RALGDS: variants seen among roughly 807,000 people sequenced by gnomAD.
The protein encoded by RALGDS is ral guanine nucleotide exchange factor.
A neutral mutation model predicts 99.8 loss-of-function variants in RALGDS; 44 were observed. The ratio of observed to expected loss-of-function variants is 0.44; its 90% confidence interval spans 0.35 to 0.57. The LOEUF (loss-of-function observed/expected upper bound fraction) is 0.57, where lower values mean the gene tolerates loss of function less well. Ranked by LOEUF, RALGDS falls within the 20% of genes least tolerant of loss-of-function variation. The pLI is 0.01. For missense variants in RALGDS, 1,022 were observed against 1,203.1 expected, an observed-to-expected ratio of 0.85 and a Z score of 2.23; for synonymous variants, 529 against 505.0, an observed-to-expected ratio of 1.05 and a Z score of -0.64.
upstream of RALGDS, among the ~76,000 whole-genome samples, chr9:133,125,406 G>A (rs1195051490): frequency 2.6e-5 from 4 of 152,108 alleles, no homozygotes; most frequent in African/African-American, 4.8e-5. Context: ...CTCTATTTTT[G>A]TGTCTATTTG....
chr9:133,106,869 G>T, intron 7 of RALGDS, 121 bp from the exon 8 acceptor site: 1 of 929,672 alleles, frequency 1.1e-6, no homozygotes, highest in Non-Finnish European at 1.7e-6. Flanking sequence ...TCCCCAGAGG[G>T]CACGCCTGCG....
chr9:133,148,421 T>C (rs923350495), intron 1 of RALGDS, among the ~76,000 whole-genome samples: 1 of 146,890 alleles, frequency 6.8e-6, no homozygotes, highest in African/African-American at 2.5e-5. Context: ...CCCCGTGCCA[T>C]GGCCCCAGGC....
At chr9:133,139,778 C>T (rs960492703) in intron 1 of RALGDS, among the ~76,000 whole-genome samples, 3 of 152,344 alleles carry the variant, frequency 2.0e-5, no homozygotes, top group East Asian at 1.9e-4. Flanking sequence ...TTCTGCGAAG[C>T]GGAGCAGACA....
intron 1 of RALGDS, among the ~76,000 whole-genome samples, chr9:133,116,464 T>G (rs1383916232): frequency 6.6e-6 from 1 of 152,048 alleles, no homozygotes; most frequent in Non-Finnish European, 1.5e-5. Flanking sequence ...GATGGGAAAA[T>G]CGTGCCTCAA....
rs1564245721 is a variant in RALGDS at position 133,121,180 on chromosome 9, G to GCCGGC, written c.-31_-27dup. 1 of 1,034,236 alleles carries GCCGGC rather than the reference G, an allele frequency of 9.7e-7. No individual in the cohort carries two copies. The highest frequency in any genetic ancestry group is 7.0e-5 in the East Asian group (1 of 14,288). The allele number at this position is 1,034,236 out of a possible 1,614,324, so 64.1% of individuals were successfully genotyped here. A position where few individuals can be genotyped will look rare whatever the true frequency, so the allele number is the denominator to read the frequency against. ...GGAAGGCTCGCAGCGCGGGCGCGGGGCCGGCCCGGCGCGCGGCGGGGGCGG... is the reference window on the plus strand; with the variant it reads ...GGAAGGCTCGCAGCGCGGGCGCGGGGCCGGCCCGGCCCGGCGCGCGGCGGGGGCGG... On this transcript the variant is annotated 5_prime_UTR_variant, in exon 1 of 18. Transcript: ENST00000372050.
At chr9:133,101,914 T>A (rs368822670) in intron 15 of RALGDS, 24 bp downstream of exon 15, 26 of 1,550,830 alleles carry the variant, frequency 1.7e-5, no homozygotes, top group Middle Eastern at 1.7e-4. Flanking sequence ...GGAAAGGATA[T>A]TGGGGAGAAG....
chr9:133,136,259 G>A (rs1832424063), intron 1 of RALGDS, among the ~76,000 whole-genome samples: 1 of 152,264 alleles, frequency 6.6e-6, no homozygotes, highest in Admixed American at 6.5e-5. Flanking sequence ...TGGGGCCCAT[G>A]GGGCAGGAGC....
upstream of RALGDS, among the ~76,000 whole-genome samples, chr9:133,123,811 CACAGAGAG>C (rs1564247460): frequency 1.2e-4 from 6 of 51,836 alleles, no homozygotes; most frequent in South Asian, 8.0e-4. Flanking sequence ...CAGAGACACA[CACAGAGAG>C]ACAGAGACAC....
At chr9:133,102,735 G>A (rs1427004913) in intron 13 of RALGDS, 44 bp downstream of exon 13, 1 of 1,604,186 alleles carries the variant, frequency 6.2e-7, no homozygotes, top group Non-Finnish European at 8.5e-7. Context: ...TGGCCCCCTA[G>A]GACAGCCTGC....
At chr9:133,142,717 A>G (rs1032096812) in intron 1 of RALGDS, among the ~76,000 whole-genome samples, 23 of 152,204 alleles carry the variant, frequency 1.5e-4, no homozygotes, top group Admixed American at 1.2e-3. Flanking sequence ...CCAGAGTCCA[A>G]GGCCTTCATT....
At chr9:133,098,891 A>G in intron 17 of RALGDS, 129 bp from the exon 18 acceptor site, 1 of 876,394 alleles carries the variant, frequency 1.1e-6, no homozygotes. Flanking sequence ...ATACAGCTCC[A>G]GAACTCCAAG....
chr9:133,135,299 GC>G (rs1392674402), upstream of RALGDS, among the ~76,000 whole-genome samples: 2 of 152,190 alleles, frequency 1.3e-5, no homozygotes, highest in African/African-American at 4.8e-5. Context: ...GCTTATTTTG[GC>G]AGTTGGGGCT....
intron 1 of RALGDS, among the ~76,000 whole-genome samples, chr9:133,112,657 ACACT>A (rs1029225383): frequency 2.8e-4 from 42 of 152,000 alleles, no homozygotes; most frequent in African/African-American, 9.9e-4. Flanking sequence ...GGGCATCCTC[ACACT>A]CACCCCTCCT....
At chr9:133,139,778 C>G (rs960492703) in intron 1 of RALGDS, among the ~76,000 whole-genome samples, 1 of 152,226 alleles carries the variant, frequency 6.6e-6, no homozygotes, top group Non-Finnish European at 1.5e-5. Context: ...TTCTGCGAAG[C>G]GGAGCAGACA....
At chr9:133,101,163 A>C in intron 16 of RALGDS, 1 of 1,192,946 alleles carries the variant, frequency 8.4e-7, no homozygotes, top group South Asian at 1.7e-5. Context: ...GTACCAGCCC[A>C]CACCAGACAG....
chr9:133,138,759 C>T (rs1300368493), intron 1 of RALGDS, among the ~76,000 whole-genome samples: 3 of 152,158 alleles, frequency 2.0e-5, no homozygotes, highest in Admixed American at 6.5e-5. Flanking sequence ...CTCAGCCTCC[C>T]GAGTAGCTGG....
At chr9:133,103,052 G>A in intron 12 of RALGDS, 152 bp from the exon 13 acceptor site, 1 of 1,399,182 alleles carries the variant, frequency 7.1e-7, no homozygotes, top group Non-Finnish European at 9.9e-7. Context: ...CTCCCCAGGA[G>A]GTGGTCCTGG....
chr9:133,137,604 G>A (rs1013505878), intron 1 of RALGDS, among the ~76,000 whole-genome samples: 1 of 152,258 alleles, frequency 6.6e-6, no homozygotes, highest in African/African-American at 2.4e-5. Context: ...AAGAGAGGCA[G>A]AGGCAAGCCA....
At chr9:133,117,761 G>A (rs1304538771) in intron 1 of RALGDS, among the ~76,000 whole-genome samples, 2 of 152,234 alleles carry the variant, frequency 1.3e-5, no homozygotes, top group East Asian at 1.9e-4. Flanking sequence ...GTGGCACCAC[G>A]CCATGGGAGC....
Sources: gnomAD v4.1 joint callset for allele counts (sites outside exome capture counted in the v4.1 genomes callset) on GRCh38, gnomAD v4.1.1 for gene constraint, MANE v1.5 for transcripts, NCBI Gene and HGNC (gene_info 2026-07-23, HGNC 2026-07-21) for gene names.